Variants in CAPN2 observed in about 807,000 individuals in gnomAD.
CAPN2 encodes calpain-2 catalytic subunit.
In CAPN2, 92 loss-of-function variants were observed where a neutral mutation model predicts 102.3. The ratio of observed to expected loss-of-function variants is 0.90; its 90% confidence interval spans 0.76 to 1.07. The LOEUF (loss-of-function observed/expected upper bound fraction) is 1.07. Ranked by LOEUF, CAPN2 falls within the 50% of genes least tolerant of loss-of-function variation. The probability of loss-of-function intolerance (pLI) is 0.00; values close to 1 mark genes in which losing one functional copy is unlikely to be tolerated. For synonymous variants in CAPN2, 340 were observed against 355.4 expected, an observed-to-expected ratio of 0.96 and a Z score of 0.49; for missense variants, 800 against 909.4, an observed-to-expected ratio of 0.88 and a Z score of 1.55.
chr1:223,748,102 A>C (rs767822715), intron 5 of CAPN2, among the ~76,000 whole-genome samples: 7 of 152,066 alleles, frequency 4.6e-5, no homozygotes, highest in Non-Finnish European at 1.0e-4. Flanking sequence ...AGTGCTGTGC[A>C]GCCTTCCCCT....
Position 223,775,750 on chromosome 1 carries a change from A to T in CAPN2, c.*893A>T, listed in dbSNP as rs1478533278. ...TTGTTTCCTGGCTTTACCTTGGGAA[A>T]ATGCTAGCAACATTATAGAAATTTT... On this transcript the variant is annotated 3_prime_UTR_variant, in exon 21 of 21. Transcript: ENST00000295006. 1 of 152,618 alleles carries T rather than the reference A, an allele frequency of 6.6e-6. No homozygotes were observed. The highest frequency in any genetic ancestry group is 1.5e-5 in the Non-Finnish European group (1 of 68,018). 9.5% of individuals were successfully genotyped at this position (152,618 alleles called of 1,614,324 possible).
intron 2 of CAPN2, among the ~76,000 whole-genome samples, chr1:223,742,516 ATATTTTT>A (rs1369059981): frequency 7.0e-4 from 80 of 113,866 alleles, no homozygotes; most frequent in African/African-American, 2.7e-3. Flanking sequence ...ATATATATAT[ATATTTTT>A]TTTTTTTTTT....
Position 223,775,950 on chromosome 1 carries a change from A to G in CAPN2, c.*1093A>G, listed in dbSNP as rs1661608024. ...CAAGGTATGCTGCCTCTGTAAATTC[A>G]TGTATTCAAAGGAAAAGACACCTTG... On this transcript the variant is annotated 3_prime_UTR_variant, in exon 21 of 21. Coordinates refer to ENST00000295006, the MANE Select transcript of CAPN2 (RefSeq NM_001748.5). The G allele has an allele frequency of 6.6e-6, 1 of 152,626 alleles. No homozygotes were observed. Among genetic ancestry groups the G allele is most frequent in the Non-Finnish European group, 1.5e-5 (1 of 68,050 alleles). The allele number at this position is 152,626 out of a possible 1,614,324, so 9.5% of individuals were successfully genotyped here.
intron 1 of CAPN2, among the ~76,000 whole-genome samples, chr1:223,705,328 G>C (rs1659579421): frequency 6.6e-6 from 1 of 152,184 alleles, no homozygotes; most frequent in African/African-American, 2.4e-5. Context: ...AGGGGAAACT[G>C]GTTTCTGCCC....
At chr1:223,720,362 C>T (rs906479260) in intron 2 of CAPN2, among the ~76,000 whole-genome samples, 1 of 135,148 alleles carries the variant, frequency 7.4e-6, no homozygotes, top group African/African-American at 2.8e-5. Context: ...TTCCCCAGGG[C>T]TGGAGTGCAC....
intron 2 of CAPN2, among the ~76,000 whole-genome samples, chr1:223,718,191 G>A (rs1267187077): frequency 1.3e-5 from 2 of 152,200 alleles, no homozygotes; most frequent in Non-Finnish European, 2.9e-5. Context: ...GACTAGGTGG[G>A]AGGACTCCCC....
At chr1:223,764,273 A>C in intron 15 of CAPN2, 66 bp downstream of exon 15, 2 of 1,379,534 alleles carry the variant, frequency 1.4e-6, no homozygotes, top group South Asian at 1.2e-5. Context: ...GGAACATGGA[A>C]ATCTTTCCCC....
chr1:223,738,194 G>T (rs1660515195), intron 2 of CAPN2, among the ~76,000 whole-genome samples: 1 of 150,792 alleles, frequency 6.6e-6, no homozygotes, highest in Admixed American at 6.6e-5. Flanking sequence ...GTCTTGTTCT[G>T]TCACCCAGGC....
At chr1:223,720,666 C>T (rs1430580550) in intron 2 of CAPN2, among the ~76,000 whole-genome samples, 2 of 152,070 alleles carry the variant, frequency 1.3e-5, no homozygotes, top group Non-Finnish European at 2.9e-5. Context: ...GTACCCATCA[C>T]CTGCATAACA....
Position 223,727,166 on chromosome 1 carries a change from G to A in CAPN2, c.307+9335G>A, listed in dbSNP as rs774850131. Among the ~76,000 whole-genome samples, 23 of 152,212 alleles carry A rather than the reference G, an allele frequency of 1.5e-4. No individual in the cohort carries two copies. The highest frequency in any genetic ancestry group is 3.1e-4 in the Non-Finnish European group (21 of 68,036). On this transcript the variant is annotated intron_variant, in intron 2 of 20. Coordinates refer to ENST00000295006, the MANE Select transcript of CAPN2 (RefSeq NM_001748.5). This position sits in a 1 kb window ranked among gnomAD's most constrained non-coding sequence, Gnocchi z 4.1. ...TCTCAGGAAGGGTGAAATTTAGCCA[G>A]GAGCAGTCTTCAGTAGCTTGGTCTG...
At position 223,766,505 on chromosome 1, in the gene CAPN2, T is replaced by C. The variant is rs1006495071; in HGVS notation, c.1755+74T>C. 8.5e-6 allele frequency: 10 copies of C among 1,180,338 alleles called. No individual in the cohort carries two copies. The Admixed American group carries it at 1.7e-4, about 20-fold the overall frequency. The allele number at this position is 1,180,338 out of a possible 1,614,324, so 73.1% of individuals were successfully genotyped here. ...CTCACTCCAGAAAGATTCAAACACA[T>C]GGCCTTCTCCCTTTTCAAAATAGCC... On this transcript the variant is annotated intron_variant, in intron 16 of 20. Coordinates refer to ENST00000295006, the MANE Select transcript of CAPN2 (RefSeq NM_001748.5).
chr1:223,760,000 G>C lies in CAPN2; in HGVS notation c.1529+519G>C, dbSNP rs1661148313. The stretch of plus-strand genomic sequence containing the variant: ...ATCCCACGTTTGGGAACCCTTTGTG[G>C]CTGACATCACCATTTCCTGCCACTG... On this transcript the variant is annotated intron_variant, in intron 12 of 20. Transcript: ENST00000295006. This position sits in a 1 kb window ranked among gnomAD's most constrained non-coding sequence, Gnocchi z 4.6. Among the ~76,000 whole-genome samples the C allele has an allele frequency of 6.6e-6, 1 of 152,172 alleles. No homozygotes were observed. Among genetic ancestry groups the C allele is most frequent in the South Asian group, 2.1e-4 (1 of 4,820 alleles).
chr1:223,752,541 G>A (rs566086108), intron 8 of CAPN2, among the ~76,000 whole-genome samples: 2 of 152,262 alleles, frequency 1.3e-5, no homozygotes, highest in South Asian at 2.1e-4. Context: ...TGATGGGCAC[G>A]GCTCCCATTT....
At chr1:223,715,435 A>G (rs924732627) in intron 1 of CAPN2, among the ~76,000 whole-genome samples, 6 of 152,140 alleles carry the variant, frequency 3.9e-5, no homozygotes, top group Non-Finnish European at 7.3e-5. Flanking sequence ...GGGATTAAAG[A>G]TAAAGGCAGG....
intron 4 of CAPN2, 60 bp downstream of exon 4, chr1:223,745,499 A>C: frequency 1.9e-6 from 3 of 1,598,956 alleles, no homozygotes; most frequent in Middle Eastern, 3.4e-4. Flanking sequence ...ATTCCAAAAA[A>C]TTCACTCATG....
intron 9 of CAPN2, 125 bp downstream of exon 9, chr1:223,753,081 A>C: frequency 4.9e-6 from 4 of 814,576 alleles, no homozygotes; most frequent in Non-Finnish European, 6.1e-6. Context: ...TGCTCACTGG[A>C]ACCCTCTCTG....
At chr1:223,702,105 A>AGAAGGAAG (rs372361537) in intron 1 of CAPN2, among the ~76,000 whole-genome samples, 8,904 of 84,230 alleles carry the variant, frequency 0.11, 624 homozygotes, top group Middle Eastern at 0.16. Context: ...AAAGAAGGAA[A>AGAAGGAAG]GAAGGAAGGA....
At chr1:223,735,961 G>A (rs943802522) in intron 2 of CAPN2, among the ~76,000 whole-genome samples, 35 of 152,234 alleles carry the variant, frequency 2.3e-4, no homozygotes, top group Non-Finnish European at 3.2e-4. Flanking sequence ...TGTATCTTTA[G>A]TAGTGACGGG....
intron 16 of CAPN2, among the ~76,000 whole-genome samples, chr1:223,769,509 T>TA (rs1056037537): frequency 8.6e-5 from 13 of 151,646 alleles, no homozygotes; most frequent in South Asian, 2.1e-4. Flanking sequence ...CCACATACTT[T>TA]AAAAAAAACA....
Sources: gnomAD v4.1 joint callset for allele counts (sites outside exome capture counted in the v4.1 genomes callset) on GRCh38, gnomAD v4.1.1 for gene constraint, Gnocchi (gnomAD v3.1) non-coding constraint, MANE v1.5 for transcripts, NCBI Gene and HGNC (gene_info 2026-07-23, HGNC 2026-07-21) for gene names.